The following NMBR variants were observed in gnomAD, a reference collection of about 807,000 sequenced individuals.
NMBR encodes neuromedin B receptor.
Under a neutral mutation model 20.5 loss-of-function variants are expected in NMBR, and 16 were observed. The observed-to-expected ratio is 0.78, with a 90% CI of 0.53 to 1.19. The LOEUF (loss-of-function observed/expected upper bound fraction) is 1.19, where lower values mean the gene tolerates loss of function less well. NMBR is among the 50% of genes most tolerant of loss of function. NMBR has a pLI of 0.00. For synonymous variants in NMBR, 212 were observed against 196.6 expected (o/e 1.08, Z -0.65); for missense variants, 582 against 499.1 (o/e 1.17, Z -1.58).
rs146976274 is a variant in NMBR at position 142,090,307 on chromosome 6, AT to A, written c.-663-987del. The stretch of plus-strand genomic sequence containing the variant: ...AACTAGCCAAGGACTACCTATGATG[AT>A]CTAGCCATAAACTGATAAGATGTGT... On this transcript the variant is annotated intron_variant, in intron 1 of 3. Coordinates refer to ENST00000258042, the MANE Select transcript of NMBR (RefSeq NM_002511.4). 1.9e-3 allele frequency among the ~76,000 whole-genome samples: 285 copies of A among 152,248 alleles called. 2 individuals are homozygous for A. Among genetic ancestry groups the A allele is most frequent in the African/African-American group, 6.6e-3 (275 of 41,556 alleles).
chr6:142,108,870 A>T lies in NMBR; in HGVS notation c.-663-19549T>A, dbSNP rs959123487. 7.6e-4 allele frequency among the ~76,000 whole-genome samples: 116 copies of T among 152,360 alleles called. 3 individuals carry two copies. Among genetic ancestry groups the T allele is most frequent in the Middle Eastern group, 6.8e-3 (2 of 294 alleles). ...CTACATCCAAAGTCTCATCTGAGAC[A>T]AGGCAAGTTCCTTTCTCCTATGAAC... On this transcript the variant is annotated intron_variant, in intron 1 of 3. Transcript: ENST00000258042.
chr6:142,097,426 A>G (rs1777476224), intron 1 of NMBR, among the ~76,000 whole-genome samples: 1 of 152,086 alleles, frequency 6.6e-6, no homozygotes, highest in Non-Finnish European at 1.5e-5. Flanking sequence ...TAAGTTGAAA[A>G]TATCATAAGT....
At chr6:142,095,433 C>A (rs533848340) in intron 1 of NMBR, among the ~76,000 whole-genome samples, 6 of 152,276 alleles carry the variant, frequency 3.9e-5, no homozygotes, top group South Asian at 4.1e-4. Context: ...GTCATTGGTT[C>A]TGTTTATATA....
intron 1 of NMBR, among the ~76,000 whole-genome samples, chr6:142,109,736 T>A (rs1319808649): frequency 6.6e-6 from 1 of 152,150 alleles, no homozygotes; most frequent in African/African-American, 2.4e-5. Flanking sequence ...CATTGAAAAC[T>A]AATTCCTAGG....
At chr6:142,091,532 C>G (rs1360283580) in intron 1 of NMBR, among the ~76,000 whole-genome samples, 2 of 152,108 alleles carry the variant, frequency 1.3e-5, no homozygotes, top group Non-Finnish European at 2.9e-5. Flanking sequence ...GCCATACAAA[C>G]TTTATTATTG....
At chr6:142,135,065 A>T in intron 1 of NMBR, 1 of 398,334 alleles carries the variant, frequency 2.5e-6, no homozygotes, top group Non-Finnish European at 4.5e-6. Flanking sequence ...CCTGGTTGTA[A>T]GGTAAGGATT....
intron 3 of NMBR, among the ~76,000 whole-genome samples, chr6:142,077,636 A>G (rs1776976282): frequency 6.6e-6 from 1 of 152,182 alleles, no homozygotes; most frequent in Admixed American, 6.5e-5. Flanking sequence ...CCTTCCATGC[A>G]AGAAAACTTT....
At chr6:142,084,980 T>C (rs1318849402) in intron 2 of NMBR, among the ~76,000 whole-genome samples, 1 of 152,236 alleles carries the variant, frequency 6.6e-6, no homozygotes, top group African/African-American at 2.4e-5. Context: ...TCAACTACTT[T>C]ATGTAAGCAA....
chr6:142,099,276 A>G (rs1375774902), intron 1 of NMBR, among the ~76,000 whole-genome samples: 1 of 152,178 alleles, frequency 6.6e-6, no homozygotes, highest in Non-Finnish European at 1.5e-5. Flanking sequence ...GCTATAAAGA[A>G]CTAACTGAGA....
In NMBR at chr6:142,135,611, C is replaced by T. The variant is rs561863229; in HGVS notation, c.-664+11433G>A. Reference sequence around the variant, plus strand: ...CTGCACCCATTAACTCGTCATTTAGCATTAGGTATATCTCCTAATGCTATC... The same window carrying T: ...CTGCACCCATTAACTCGTCATTTAGTATTAGGTATATCTCCTAATGCTATC... On this transcript the variant is annotated intron_variant, in intron 1 of 3. Coordinates refer to ENST00000258042, the MANE Select transcript of NMBR (RefSeq NM_002511.4). 1.4e-3 allele frequency among the ~76,000 whole-genome samples: 217 copies of T among 150,602 alleles called. 1 individual carries two copies. The highest frequency in any genetic ancestry group is 2.7e-3 in the Non-Finnish European group (184 of 67,496).
At chr6:142,110,765 A>T (rs1224693096) in intron 1 of NMBR, among the ~76,000 whole-genome samples, 2 of 152,192 alleles carry the variant, frequency 1.3e-5, no homozygotes, top group African/African-American at 4.8e-5. Context: ...AAAGGAAGAA[A>T]GAGAAGGAAG....
At position 142,088,710 on chromosome 6, in the gene NMBR, G is replaced by T; in HGVS notation, c.-52C>A. On this transcript the variant is annotated 5_prime_UTR_variant, in exon 2 of 4. Coordinates refer to ENST00000258042, the MANE Select transcript of NMBR (RefSeq NM_002511.4). ...GAGTTTTCACGCGCTCCGGTGCCCT[G>T]AGGACTGAACGCCCACGATTTAGGT... 6.6e-7 allele frequency: 1 copy of T among 1,512,560 alleles called. No individual in the cohort carries two copies. The highest frequency in any genetic ancestry group is 1.2e-5 in the South Asian group (1 of 83,458). 93.7% of individuals were successfully genotyped at this position (1,512,560 alleles called of 1,614,324 possible). A position where few individuals can be genotyped will look rare whatever the true frequency, so the allele number is the denominator to read the frequency against.
At chr6:142,119,615 G>A (rs1431695654) in intron 1 of NMBR, among the ~76,000 whole-genome samples, 2 of 151,864 alleles carry the variant, frequency 1.3e-5, no homozygotes, top group African/African-American at 4.8e-5. Context: ...TTACAGTCTA[G>A]ATACTATGCT....
intron 1 of NMBR, among the ~76,000 whole-genome samples, chr6:142,101,770 G>C (rs978738405): frequency 2.7e-4 from 41 of 152,068 alleles, no homozygotes; most frequent in Admixed American, 2.6e-3. Context: ...TTAGATGAGA[G>C]AATGACCAAA....
chr6:142,095,699 A>T (rs1381661830), intron 1 of NMBR, among the ~76,000 whole-genome samples: 2 of 152,028 alleles, frequency 1.3e-5, no homozygotes, highest in African/African-American at 4.8e-5. Context: ...CTCTTTTTCT[A>T]TTGATTGGAA....
intron 1 of NMBR, among the ~76,000 whole-genome samples, chr6:142,102,207 T>C (rs1582847816): frequency 6.6e-6 from 1 of 151,844 alleles, no homozygotes; most frequent in Admixed American, 6.6e-5. Context: ...GCTAACACGG[T>C]GAATCCCCGT....
At chr6:142,079,131 A>G (rs1777037714) in intron 2 of NMBR, among the ~76,000 whole-genome samples, 1 of 119,644 alleles carries the variant, frequency 8.4e-6, no homozygotes, top group Non-Finnish European at 1.7e-5. Flanking sequence ...AGAAAGAAGA[A>G]AGAAAGAAAG....
At chr6:142,113,108 C>T (rs1777801208) in intron 1 of NMBR, among the ~76,000 whole-genome samples, 1 of 151,746 alleles carries the variant, frequency 6.6e-6, no homozygotes, top group African/African-American at 2.4e-5. Context: ...ATGATACATG[C>T]TAGATGCTAC....
At chr6:142,125,175 C>A (rs1468134043) in intron 1 of NMBR, among the ~76,000 whole-genome samples, 1 of 151,730 alleles carries the variant, frequency 6.6e-6, no homozygotes, top group African/African-American at 2.4e-5. Context: ...TTCTGAGTAC[C>A]TAAATTGACC....
Sources: gnomAD v4.1 joint callset for allele counts (sites outside exome capture counted in the v4.1 genomes callset) on GRCh38, gnomAD v4.1.1 for gene constraint, MANE v1.5 for transcripts, NCBI Gene and HGNC (gene_info 2026-07-23, HGNC 2026-07-21) for gene names.